The following RBFOX3 variants were observed in gnomAD, a reference collection of about 807,000 sequenced individuals.
RBFOX3 encodes the protein RNA binding fox-1 homolog 3, also known as RNA binding protein fox-1 homolog 3.
A neutral mutation model predicts 48.7 loss-of-function variants in RBFOX3; 17 were observed. That is an observed-to-expected ratio of 0.35 (90% confidence interval 0.24 to 0.52). The LOEUF is 0.52. Among genes scored for constraint, RBFOX3 ranks in the 20% least tolerant of loss-of-function variants. The probability of loss-of-function intolerance (pLI) is 0.94; values close to 1 mark genes in which losing one functional copy is unlikely to be tolerated. For synonymous variants in RBFOX3, 212 were observed against 209.5 expected, an observed-to-expected ratio of 1.01 and a Z score of -0.10; for missense variants, 382 against 497.5, an observed-to-expected ratio of 0.77 and a Z score of 2.21.
chr17:79,138,819 AC>A (rs566841655), intron 4 of RBFOX3, among the ~76,000 whole-genome samples: 2 of 87,902 alleles, frequency 2.3e-5, no homozygotes, highest in African/African-American at 4.8e-5. Context: ...ATGCGTTCAC[AC>A]CCCCTCACCC....
chr17:79,562,564 G>A (rs1347972022), intron 1 of RBFOX3, among the ~76,000 whole-genome samples: 1 of 152,146 alleles, frequency 6.6e-6, no homozygotes, highest in African/African-American at 2.4e-5. Flanking sequence ...TCTGAAAGGG[G>A]CCAACAAGGC....
chr17:79,415,718 G>A (rs73425352), intron 2 of RBFOX3, among the ~76,000 whole-genome samples: 5,349 of 152,254 alleles, frequency 0.035, 283 homozygotes, highest in African/African-American at 0.12. Flanking sequence ...GGGCGGAGTC[G>A]GCTCCCTGCC....
chr17:79,578,452 G>C (rs1015390072), intron 1 of RBFOX3, among the ~76,000 whole-genome samples: 13 of 152,248 alleles, frequency 8.5e-5, no homozygotes, highest in African/African-American at 3.1e-4. Context: ...GCCGTTCTTT[G>C]GGGAGGTGGC....
intron 4 of RBFOX3, among the ~76,000 whole-genome samples, chr17:79,138,338 CCAT>C (rs1327130563): frequency 6.6e-6 from 1 of 152,110 alleles, no homozygotes; most frequent in Non-Finnish European, 1.5e-5. Flanking sequence ...CTCGTGTGTA[CCAT>C]GTCACACGCA....
intron 2 of RBFOX3, among the ~76,000 whole-genome samples, chr17:79,409,183 T>C (rs535654014): frequency 3.9e-5 from 6 of 152,382 alleles, no homozygotes; most frequent in African/African-American, 1.4e-4. Context: ...GGAACTGAAT[T>C]TCTTTCCATG....
chr17:79,365,507 C>T (rs186496200), intron 2 of RBFOX3, among the ~76,000 whole-genome samples: 8 of 152,380 alleles, frequency 5.3e-5, no homozygotes, highest in Non-Finnish European at 7.3e-5. Flanking sequence ...TGTGCTCTAG[C>T]GCGGCCCTGG....
chr17:79,090,499 C>T lies in RBFOX3; in HGVS notation c.*384G>A. 4.3e-6 allele frequency: 1 copy of T among 234,452 alleles called. No homozygotes were observed. The highest frequency in any genetic ancestry group is 1.1e-4 in the South Asian group (1 of 9,494). 14.5% of individuals were successfully genotyped at this position (234,452 alleles called of 1,614,324 possible). A position where few individuals can be genotyped will look rare whatever the true frequency, so the allele number is the denominator to read the frequency against. ...TGCTCCGCCGCCGCTGGGCTCCACA[C>T]TGTCTGTCTTGGGAGTTGGGGGCTG... On this transcript the variant is annotated 3_prime_UTR_variant, in exon 15 of 15. Transcript: ENST00000693108.
chr17:79,122,653 C>G, intron 4 of RBFOX3, among the ~76,000 whole-genome samples: 1 of 152,166 alleles, frequency 6.6e-6, no homozygotes, highest in East Asian at 1.9e-4. Flanking sequence ...TTGGAGGTTT[C>G]TCAAAAAACT....
intron 1 of RBFOX3, among the ~76,000 whole-genome samples, chr17:79,584,773 A>T (rs907253130): frequency 0.037 from 4,789 of 127,710 alleles, 124 homozygotes; most frequent in African/African-American, 0.089. Context: ...TTATTTATTT[A>T]TTTTTTTTTT....
intron 1 of RBFOX3, among the ~76,000 whole-genome samples, chr17:79,497,141 G>A (rs1478848959): frequency 6.6e-6 from 1 of 152,116 alleles, no homozygotes; most frequent in Non-Finnish European, 1.5e-5. Flanking sequence ...CAGGTGCACT[G>A]CCACTCCTCC....
chr17:79,099,431 G>A (rs2076012870), intron 9 of RBFOX3: 2 of 152,302 alleles, frequency 1.3e-5, no homozygotes, highest in Admixed American at 6.5e-5. Context: ...CAGGCTGAAA[G>A]AAATGTTTTG....
At chr17:79,459,378 C>T (rs1441228190) in intron 2 of RBFOX3, among the ~76,000 whole-genome samples, 2 of 152,178 alleles carry the variant, frequency 1.3e-5, no homozygotes, top group Non-Finnish European at 2.9e-5. Context: ...CCTCCACCCA[C>T]CCTCCAAGGC....
the RBFOX3 span, among the ~76,000 whole-genome samples, chr17:79,645,766 G>A: frequency 2.2e-4 from 33 of 152,332 alleles, no homozygotes; most frequent in African/African-American, 6.7e-4. Flanking sequence ...GGAGTGAAGC[G>A]GGGTTAGCCT....
In RBFOX3 at chr17:79,293,462, TCCTTC is replaced by T. The variant is rs1307383167; in HGVS notation, c.-74+14257_-74+14261del. On this transcript the variant is annotated intron_variant, in intron 3 of 14. Transcript: ENST00000693108. Reference sequence around the variant, plus strand: ...TTCCTTCCTTCCTTCCTTCCTTCCTTCCTTCCCTTCCTTCCTGTCTCACTCTGTCT... The same window carrying T: ...TTCCTTCCTTCCTTCCTTCCTTCCTTCCTTCCTTCCTGTCTCACTCTGTCT... 1.2e-3 allele frequency among the ~76,000 whole-genome samples: 123 copies of T among 98,664 alleles called. 1 individual carries two copies. Among genetic ancestry groups the T allele is most frequent in the African/African-American group, 5.3e-3 (114 of 21,436 alleles). The allele number at this position is 98,664 out of a possible 152,430, so 64.7% of individuals were successfully genotyped here.
chr17:79,213,648 C>T (rs899554491), intron 4 of RBFOX3, among the ~76,000 whole-genome samples: 1 of 152,216 alleles, frequency 6.6e-6, no homozygotes, highest in Non-Finnish European at 1.5e-5. Context: ...ATGTCCTGAG[C>T]CTTCCCCGGG....
At chr17:79,640,056 T>C in the RBFOX3 span, among the ~76,000 whole-genome samples, 7 of 152,312 alleles carry the variant, frequency 4.6e-5, no homozygotes, top group South Asian at 2.1e-4. Flanking sequence ...GGCAAGATGA[T>C]ATACGTAGAA....
At chr17:79,303,034 T>C (rs1397078626) in intron 3 of RBFOX3, among the ~76,000 whole-genome samples, 2 of 152,004 alleles carry the variant, frequency 1.3e-5, no homozygotes, top group African/African-American at 2.4e-5. Context: ...TGAGACCTCA[T>C]CTCTACAAAA....
At chr17:79,286,954 T>G (rs2072064442) in intron 3 of RBFOX3, among the ~76,000 whole-genome samples, 1 of 152,190 alleles carries the variant, frequency 6.6e-6, no homozygotes, top group Non-Finnish European at 1.5e-5. Flanking sequence ...GCGTGTCAAG[T>G]GAGGTCCTGT....
chr17:79,448,553 G>A (rs7223105), intron 2 of RBFOX3, among the ~76,000 whole-genome samples: 64,918 of 152,056 alleles, frequency 0.43, 14,070 homozygotes, highest in South Asian at 0.47. Flanking sequence ...CGAGAAGCTG[G>A]AGGAGGCAGG....
Sources: gnomAD v4.1 joint callset for allele counts (sites outside exome capture counted in the v4.1 genomes callset) on GRCh38, gnomAD v4.1.1 for gene constraint, MANE v1.5 for transcripts, NCBI Gene and HGNC (gene_info 2026-07-23, HGNC 2026-07-21) for gene names.